The following GMDS variants were observed in gnomAD, a reference collection of about 807,000 sequenced individuals.
The protein encoded by GMDS is GDP-mannose 4,6 dehydratase.
GMDS carries 20 observed loss-of-function variants against 49.9 expected under a neutral mutation model. That is an observed-to-expected ratio of 0.40 (90% CI 0.28 to 0.58). GMDS has a LOEUF of 0.58. Among genes scored for constraint, GMDS ranks in the 20% least tolerant of loss-of-function variants. The probability of loss-of-function intolerance (pLI) is 0.42; values close to 1 mark genes in which losing one functional copy is unlikely to be tolerated. For synonymous variants in GMDS, 177 were observed against 178.6 expected (o/e 0.99, Z 0.07); for missense variants, 362 against 481.4 (o/e 0.75, Z 2.32).
rs141920388 is a variant in GMDS at position 1,989,457 on chromosome 6, C to T, written c.346-28491G>A. On this transcript the variant is annotated intron_variant, in intron 4 of 10. Coordinates refer to ENST00000380815, the MANE Select transcript of GMDS (RefSeq NM_001500.4). ...CCCTGAGATCCCCAAAGAAGAAAGGCTAAGAAAGGCTTTGTGTTCACATGT... is the reference window on the plus strand; with the variant it reads ...CCCTGAGATCCCCAAAGAAGAAAGGTTAAGAAAGGCTTTGTGTTCACATGT... Among the ~76,000 whole-genome samples, 818 of 152,280 alleles carry T rather than the reference C, an allele frequency of 5.4e-3. 8 individuals are homozygous for T. The highest frequency in any genetic ancestry group is 0.037 in the Middle Eastern group (11 of 294).
chr6:2,071,850 GTT>G (rs1772024032), intron 4 of GMDS, among the ~76,000 whole-genome samples: 1 of 152,116 alleles, frequency 6.6e-6, no homozygotes, highest in Non-Finnish European at 1.5e-5. Flanking sequence ...TTATGCCAAT[GTT>G]TCTTACTTTG....
chr6:1,649,028 C>T (rs2569843), intron 9 of GMDS, among the ~76,000 whole-genome samples: 12,150 of 152,254 alleles, frequency 0.08, 548 homozygotes, highest in African/African-American at 0.12. Flanking sequence ...AATTACAACT[C>T]TTATTTTTAA....
At chr6:2,131,756 G>A (rs769790028) in intron 1 of GMDS, among the ~76,000 whole-genome samples, 2 of 151,538 alleles carry the variant, frequency 1.3e-5, no homozygotes, top group Non-Finnish European at 2.9e-5. Context: ...TCATCACTAC[G>A]TGAATACAAG....
chr6:2,085,683 C>G (rs902434548), intron 4 of GMDS, among the ~76,000 whole-genome samples: 2 of 152,106 alleles, frequency 1.3e-5, no homozygotes, highest in Admixed American at 6.6e-5. Flanking sequence ...CGCTCACCAC[C>G]ACACCGGCTA....
chr6:1,688,742 T>C (rs1765070504), intron 9 of GMDS, among the ~76,000 whole-genome samples: 1 of 152,236 alleles, frequency 6.6e-6, no homozygotes, highest in African/African-American at 2.4e-5. Flanking sequence ...GTAGCTATTA[T>C]ATAAAGATAG....
chr6:2,123,309 G>C (rs996129096), intron 2 of GMDS, among the ~76,000 whole-genome samples: 1 of 152,132 alleles, frequency 6.6e-6, no homozygotes, highest in Non-Finnish European at 1.5e-5. Context: ...AGCCCACCTT[G>C]TCCCCCTAAG....
chr6:2,081,030 A>G (rs1581624028), intron 4 of GMDS, among the ~76,000 whole-genome samples: 1 of 152,164 alleles, frequency 6.6e-6, no homozygotes, highest in East Asian at 1.9e-4. Context: ...TAACAAGGCC[A>G]TTGTATGGGC....
intron 7 of GMDS, among the ~76,000 whole-genome samples, chr6:1,824,001 G>A (rs1171352616): frequency 6.6e-6 from 1 of 151,874 alleles, no homozygotes; most frequent in Non-Finnish European, 1.5e-5. Context: ...TCTCATGACG[G>A]GCCTCCTCCT....
intron 4 of GMDS, 48 bp from the exon 5 acceptor site, chr6:1,961,014 C>CCTTTGTGCT: frequency 2.6e-6 from 3 of 1,156,948 alleles, no homozygotes; most frequent in Non-Finnish European, 3.6e-6. Flanking sequence ...CTTCATAGCA[C>CCTTTGTGCT]AAAGGTGCTG....
rs1482859190 is a variant in GMDS at position 1,798,465 on chromosome 6, C to T, written c.772-55879G>A. ...CAGATAAGAGCAGAACCTGTAGAAC[C>T]ACTGAGTCTTGTGCAAACCTTTTGT... is the stretch of plus-strand genomic sequence containing the variant. On this transcript the variant is annotated intron_variant, in intron 7 of 10. Transcript: ENST00000380815. Among the ~76,000 whole-genome samples, 4 of 152,118 alleles carry T rather than the reference C, an allele frequency of 2.6e-5. No homozygotes were observed. The East Asian group carries it at 7.7e-4, about 29-fold the overall frequency.
At chr6:2,006,650 A>G (rs994399096) in intron 4 of GMDS, among the ~76,000 whole-genome samples, 18 of 152,192 alleles carry the variant, frequency 1.2e-4, no homozygotes, top group African/African-American at 4.3e-4. Context: ...AGCTGAAAAC[A>G]CACTTTTCAA....
At chr6:2,236,465 T>C (rs1484943663) in intron 1 of GMDS, among the ~76,000 whole-genome samples, 4 of 152,232 alleles carry the variant, frequency 2.6e-5, no homozygotes, top group Non-Finnish European at 5.9e-5. Context: ...CCAACAAGCA[T>C]ATATGCCACA....
chr6:1,769,309 G>A lies in GMDS; in HGVS notation c.772-26723C>T, dbSNP rs61250681. 5.0e-3 allele frequency among the ~76,000 whole-genome samples: 763 copies of A among 152,344 alleles called. 6 individuals carry two copies. The highest frequency in any genetic ancestry group is 0.018 in the African/African-American group (731 of 41,572). On this transcript the variant is annotated intron_variant, in intron 7 of 10. Coordinates refer to ENST00000380815, the MANE Select transcript of GMDS (RefSeq NM_001500.4). Reference sequence around the variant, plus strand: ...TTGTGAGTAAACAGAATTCTGGAATGTCCAATACTGGGGTAACAAATTCTC... The same window carrying A: ...TTGTGAGTAAACAGAATTCTGGAATATCCAATACTGGGGTAACAAATTCTC...
chr6:2,033,953 G>A (rs1360176082), intron 4 of GMDS, among the ~76,000 whole-genome samples: 1 of 152,082 alleles, frequency 6.6e-6, no homozygotes, highest in Non-Finnish European at 1.5e-5. Context: ...AAGAACCCAT[G>A]GGGATACTGA....
At chr6:1,717,662 A>ATAAATATT (rs1050586362) in intron 9 of GMDS, 1 of 152,226 alleles carries the variant, frequency 6.6e-6, no homozygotes, top group Non-Finnish European at 1.5e-5. Flanking sequence ...ATAAAACAAA[A>ATAAATATT]TAAATATTTA....
At chr6:2,064,329 G>A (rs1263187681) in intron 4 of GMDS, among the ~76,000 whole-genome samples, 1 of 151,932 alleles carries the variant, frequency 6.6e-6, no homozygotes. Flanking sequence ...AAATTATTTT[G>A]GAAATCAGAA....
At chr6:1,988,196 G>A (rs182629038) in intron 4 of GMDS, among the ~76,000 whole-genome samples, 97 of 152,198 alleles carry the variant, frequency 6.4e-4, no homozygotes, top group African/African-American at 2.2e-3. Flanking sequence ...TAAAAACAAG[G>A]TGGTTGTGAT....
At chr6:2,221,631 G>A (rs542298188) in intron 1 of GMDS, among the ~76,000 whole-genome samples, 25 of 152,254 alleles carry the variant, frequency 1.6e-4, no homozygotes, top group African/African-American at 5.5e-4. Flanking sequence ...CTCGTGATCC[G>A]ACTGCCTCGG....
chr6:1,876,229 A>C (rs1158388625), intron 7 of GMDS, among the ~76,000 whole-genome samples: 1 of 150,740 alleles, frequency 6.6e-6, no homozygotes, highest in Non-Finnish European at 1.5e-5. Context: ...CTGCACTCCA[A>C]CCTGGGCAAC....
Sources: gnomAD v4.1 joint callset for allele counts (sites outside exome capture counted in the v4.1 genomes callset) on GRCh38, gnomAD v4.1.1 for gene constraint, MANE v1.5 for transcripts, NCBI Gene and HGNC (gene_info 2026-07-23, HGNC 2026-07-21) for gene names.